TNFSF13B: variants seen among roughly 807,000 people sequenced by gnomAD.
TNFSF13B encodes TNF superfamily member 13b, also known as tumor necrosis factor ligand superfamily member 13B.
TNFSF13B carries 8 observed loss-of-function variants against 29.1 expected under a neutral mutation model. The observed-to-expected ratio is 0.27, with a 90% CI of 0.16 to 0.50. TNFSF13B has a LOEUF of 0.50. Among genes scored for constraint, TNFSF13B ranks in the 20% least tolerant of loss-of-function variants. TNFSF13B has a pLI of 0.98. For synonymous variants in TNFSF13B, 125 were observed against 130.8 expected (o/e 0.96, Z 0.30); for missense variants, 248 against 334.9 (o/e 0.74, Z 2.03).
rs189902434 is a variant in TNFSF13B at position 108,278,896 on chromosome 13, G to A, written c.425-7907G>A. On this transcript the variant is annotated intron_variant, in intron 2 of 5. Transcript: ENST00000375887. ...CAAAATAAGACATTTTAGGAAAATG[G>A]TGCACAACTACTTACTTTAAAAATA... Among the ~76,000 whole-genome samples, 104 of 152,178 alleles carry A rather than the reference G, an allele frequency of 6.8e-4. 2 individuals are homozygous for A. In the East Asian group the frequency reaches 0.019, roughly 28 times the overall value.
At chr13:108,272,743 T>C (rs541298329) in intron 2 of TNFSF13B, among the ~76,000 whole-genome samples, 27 of 152,210 alleles carry the variant, frequency 1.8e-4, no homozygotes, top group African/African-American at 5.8e-4. Flanking sequence ...AGGTAATTTG[T>C]ATTATAAGAG....
intron 2 of TNFSF13B, among the ~76,000 whole-genome samples, chr13:108,284,313 A>G (rs1421890604): frequency 6.6e-6 from 1 of 152,218 alleles, no homozygotes; most frequent in Non-Finnish European, 1.5e-5. Context: ...TGGGCGACAG[A>G]GCGAGACTCC....
At chr13:108,286,379 T>A (rs12583251) in intron 2 of TNFSF13B, among the ~76,000 whole-genome samples, 32,210 of 151,934 alleles carry the variant, frequency 0.21, 4,068 homozygotes, top group East Asian at 0.43. Flanking sequence ...TTCATAAGTG[T>A]CAGAAATAGT....
intron 3 of TNFSF13B, chr13:108,302,779 C>T (rs1881662937): frequency 1.0e-6 from 1 of 984,126 alleles, no homozygotes; most frequent in Non-Finnish European, 1.2e-6. Context: ...TCCGTAGGCT[C>T]CCTTCTGTTG....
rs925446163 is a variant in TNFSF13B at position 108,298,991 on chromosome 13, AAAAC to A, written c.482-4246_482-4243del. ...GAAAAACAAACAAACAAACAAACAAAAAACAAACAAACAAACAAAACATTGCATT... is the reference window on the plus strand; with the variant it reads ...GAAAAACAAACAAACAAACAAACAAAAAACAAACAAACAAAACATTGCATT... On this transcript the variant is annotated intron_variant, in intron 3 of 5. Transcript: ENST00000375887. Among the ~76,000 whole-genome samples the A allele has an allele frequency of 1.0e-4, 13 of 130,054 alleles. 1 individual carries two copies. The highest frequency in any genetic ancestry group is 1.3e-4 in the African/African-American group (5 of 37,802). 85.3% of individuals were successfully genotyped at this position (130,054 alleles called of 152,430 possible).
At chr13:108,269,708 A>C, upstream of TNFSF13B, 6 of 552,176 alleles carry the variant, frequency 1.1e-5, no homozygotes, top group Admixed American at 3.5e-5. Context: ...CAGCAAACCT[A>C]CTGTACAGTA....
chr13:108,289,046 A>T (rs1162987924), intron 3 of TNFSF13B, among the ~76,000 whole-genome samples: 1 of 152,042 alleles, frequency 6.6e-6, no homozygotes, highest in Non-Finnish European at 1.5e-5. Flanking sequence ...CATGTTTGCA[A>T]CTTTTAATAA....
At chr13:108,302,539 C>T in intron 3 of TNFSF13B, among the ~76,000 whole-genome samples, 1 of 18,786 alleles carries the variant, frequency 5.3e-5, no homozygotes, top group South Asian at 1.1e-3. Flanking sequence ...CAATGTAGTC[C>T]CCCCATGTGC....
chr13:108,301,065 T>C (rs1366401548), intron 3 of TNFSF13B: 1 of 152,262 alleles, frequency 6.6e-6, no homozygotes, highest in East Asian at 1.9e-4. Flanking sequence ...ATGTGGTTCT[T>C]ATTTTATATT....
At chr13:108,290,753 CT>C (rs887059911) in intron 3 of TNFSF13B, among the ~76,000 whole-genome samples, 15 of 151,096 alleles carry the variant, frequency 9.9e-5, no homozygotes, top group East Asian at 9.7e-4. Flanking sequence ...ATTTTGCATA[CT>C]TTTTTTTTCT....
At chr13:108,278,667 C>G (rs1880839517) in intron 2 of TNFSF13B, among the ~76,000 whole-genome samples, 14 of 4,136 alleles carry the variant, frequency 3.4e-3, no homozygotes, top group South Asian at 7.7e-3. Flanking sequence ...TCCTCCTCCT[C>G]TCCTCCTCTC....
chr13:108,273,814 G>A (rs1004395541), intron 2 of TNFSF13B, among the ~76,000 whole-genome samples: 3 of 152,118 alleles, frequency 2.0e-5, no homozygotes, highest in Non-Finnish European at 4.4e-5. Context: ...ATGCTCCCAG[G>A]AAGCAAAGAA....
chr13:108,285,132 G>C (rs771658140), intron 2 of TNFSF13B, among the ~76,000 whole-genome samples: 2 of 152,056 alleles, frequency 1.3e-5, no homozygotes, highest in Admixed American at 6.6e-5. Flanking sequence ...TCTGAAAATT[G>C]ACATAAAAAT....
chr13:108,288,425 A>G (rs1881205805), intron 3 of TNFSF13B, among the ~76,000 whole-genome samples: 1 of 152,308 alleles, frequency 6.6e-6, no homozygotes, highest in Non-Finnish European at 1.5e-5. Flanking sequence ...TAGGACATCT[A>G]ACTTACCAAA....
chr13:108,275,964 C>T (rs994015167), intron 2 of TNFSF13B, among the ~76,000 whole-genome samples: 3 of 152,180 alleles, frequency 2.0e-5, no homozygotes, highest in African/African-American at 7.2e-5. Flanking sequence ...AGTTTTCTAT[C>T]GGATAAACCT....
intron 2 of TNFSF13B, among the ~76,000 whole-genome samples, chr13:108,286,374 A>G (rs1881131971): frequency 6.6e-6 from 1 of 152,046 alleles, no homozygotes; most frequent in Non-Finnish European, 1.5e-5. Context: ...TTACTTTCAT[A>G]AGTGTCAGAA....
In TNFSF13B at chr13:108,303,240, C is replaced by A; in HGVS notation, c.482-13C>A. 3 of 1,563,664 alleles carry A rather than the reference C, an allele frequency of 1.9e-6. No homozygotes were observed. Among genetic ancestry groups the A allele is most frequent in the Non-Finnish European group, 2.6e-6 (3 of 1,147,976 alleles). On this transcript the variant is annotated splice_polypyrimidine_tract_variant and intron_variant, in intron 3 of 5. Coordinates refer to ENST00000375887, the MANE Select transcript of TNFSF13B (RefSeq NM_006573.5). Reference sequence around the variant, plus strand: ...TTGGTTTCTTTCCTTATAAATGATTCTCTTCATTGCAGGATCTTACACATT... The same window carrying A: ...TTGGTTTCTTTCCTTATAAATGATTATCTTCATTGCAGGATCTTACACATT...
At chr13:108,281,404 A>C (rs1449150124) in intron 2 of TNFSF13B, among the ~76,000 whole-genome samples, 2 of 152,184 alleles carry the variant, frequency 1.3e-5, no homozygotes, top group African/African-American at 4.8e-5. Flanking sequence ...TAGTGCTATT[A>C]TCTTTCTGAA....
intron 3 of TNFSF13B, among the ~76,000 whole-genome samples, chr13:108,289,469 A>G (rs1206558315): frequency 6.6e-6 from 1 of 151,662 alleles, no homozygotes; most frequent in Non-Finnish European, 1.5e-5. Context: ...GGCTGTACTC[A>G]CTAAAGCATT....
Sources: allele counts gnomAD v4.1 joint callset (sites outside exome capture counted in the v4.1 genomes callset), GRCh38; gene constraint gnomAD v4.1.1; transcripts MANE v1.5; gene names NCBI Gene and HGNC (gene_info 2026-07-23, HGNC 2026-07-21).